The following CSMD3 variants were observed in gnomAD, a reference collection of about 807,000 sequenced individuals.
The protein encoded by CSMD3 is CUB and Sushi multiple domains 3.
CSMD3 carries 177 observed loss-of-function variants against 435.2 expected under a neutral mutation model. The ratio of observed to expected loss-of-function variants is 0.41; its 90% confidence interval spans 0.36 to 0.46. The LOEUF (loss-of-function observed/expected upper bound fraction) is 0.46. Ranked by LOEUF, CSMD3 falls within the 20% of genes least tolerant of loss-of-function variation. The pLI is 0.34. For synonymous variants in CSMD3, 1,656 were observed against 1,520.5 expected (o/e 1.09, Z -2.07); for missense variants, 4,265 against 4,504.6 (o/e 0.95, Z 1.52).
intron 32 of CSMD3, among the ~76,000 whole-genome samples, chr8:112,446,032 C>G (rs1002124680): frequency 2.6e-5 from 4 of 152,220 alleles, no homozygotes; most frequent in Middle Eastern, 3.4e-3. Flanking sequence ...GAATATTTTA[C>G]AAAACTTAGA....
chr8:113,348,043 T>A (rs975948210), intron 1 of CSMD3, among the ~76,000 whole-genome samples: 1 of 152,072 alleles, frequency 6.6e-6, no homozygotes, highest in Non-Finnish European at 1.5e-5. Context: ...TCCATATAAG[T>A]ACAACTGAGA....
chr8:113,257,037 C>T (rs72670719), intron 3 of CSMD3, among the ~76,000 whole-genome samples: 11,469 of 152,110 alleles, frequency 0.075, 555 homozygotes, highest in East Asian at 0.18. Context: ...AGAATGAGAC[C>T]TTAGTTTCAA....
intron 1 of CSMD3, among the ~76,000 whole-genome samples, chr8:113,376,154 T>C (rs141427574): frequency 2.2e-4 from 34 of 152,240 alleles, no homozygotes; most frequent in African/African-American, 7.5e-4. Flanking sequence ...CATTTGAACA[T>C]AGAAGATAAA....
intron 5 of CSMD3, among the ~76,000 whole-genome samples, chr8:113,074,712 T>A (rs376842186): frequency 6.6e-6 from 1 of 151,852 alleles, no homozygotes; most frequent in Non-Finnish European, 1.5e-5. Flanking sequence ...AGTTTCCCTA[T>A]AACCCACAAC....
chr8:112,379,592 A>T (rs1351983720), intron 38 of CSMD3, among the ~76,000 whole-genome samples: 5 of 152,244 alleles, frequency 3.3e-5, no homozygotes, highest in Non-Finnish European at 7.3e-5. Context: ...TAAAATGTCC[A>T]TACTACACAA....
intron 63 of CSMD3, among the ~76,000 whole-genome samples, chr8:112,251,911 C>A (rs1815299331): frequency 6.6e-6 from 1 of 151,670 alleles, no homozygotes; most frequent in Non-Finnish European, 1.5e-5. Flanking sequence ...AAAATTATTC[C>A]AATTTACAAT....
At chr8:112,993,158 T>C (rs761196854) in intron 6 of CSMD3, among the ~76,000 whole-genome samples, 6 of 151,706 alleles carry the variant, frequency 4.0e-5, no homozygotes, top group Non-Finnish European at 7.4e-5. Flanking sequence ...AAATGGCTAA[T>C]TGAAACCAAT....
intron 4 of CSMD3, among the ~76,000 whole-genome samples, chr8:113,150,883 G>C (rs1490356833): frequency 6.6e-6 from 1 of 151,900 alleles, no homozygotes; most frequent in Non-Finnish European, 1.5e-5. Context: ...ATCTGTATTT[G>C]TGACATTAGC....
At chr8:112,728,822 C>T (rs953645068) in intron 13 of CSMD3, among the ~76,000 whole-genome samples, 11 of 151,914 alleles carry the variant, frequency 7.2e-5, no homozygotes, top group African/African-American at 1.2e-4. Context: ...TTGATTATTT[C>T]GGCAATTATG....
At chr8:112,397,304 A>G (rs1830935296) in intron 35 of CSMD3, among the ~76,000 whole-genome samples, 1 of 152,228 alleles carries the variant, frequency 6.6e-6, no homozygotes, top group African/African-American at 2.4e-5. Flanking sequence ...CATAGACCCC[A>G]TATATCCATC....
chr8:112,789,493 C>T (rs2078633352), intron 13 of CSMD3, among the ~76,000 whole-genome samples: 1 of 151,748 alleles, frequency 6.6e-6, no homozygotes, highest in African/African-American at 2.4e-5. Context: ...GTTTTGACTC[C>T]AATCTAATTG....
Position 112,367,710 on chromosome 8 carries a change from C to T in CSMD3, c.6136+12642G>A, listed in dbSNP as rs115863461. ...TTTCTTTCCTTGGGCTTATTCTCAC[C>T]ATGTAATGCATACTTCACTTTCCAA... is the stretch of plus-strand genomic sequence containing the variant. On this transcript the variant is annotated intron_variant, in intron 38 of 70. Transcript: ENST00000297405. Among the ~76,000 whole-genome samples the T allele has an allele frequency of 7.0e-3, 1,070 of 152,256 alleles. 11 individuals carry two copies. The highest frequency in any genetic ancestry group is 0.024 in the African/African-American group (995 of 41,570).
intron 5 of CSMD3, among the ~76,000 whole-genome samples, chr8:113,086,326 A>T (rs946558168): frequency 6.6e-6 from 1 of 152,070 alleles, no homozygotes; most frequent in Admixed American, 6.6e-5. Context: ...TCCATCAATC[A>T]ATCTATAGAA....
chr8:113,374,674 G>A (rs2094367371), intron 1 of CSMD3, among the ~76,000 whole-genome samples: 1 of 152,090 alleles, frequency 6.6e-6, no homozygotes, highest in East Asian at 1.9e-4. Flanking sequence ...GAGCTCAGCT[G>A]TGGAGGAATT....
In CSMD3 at chr8:113,294,740, T is replaced by C. The variant is rs2093707482; in HGVS notation, c.402-16036A>G. Among the ~76,000 whole-genome samples the C allele has an allele frequency of 7.2e-5, 11 of 152,128 alleles. No individual in the cohort carries two copies. The South Asian group carries it at 2.3e-3, about 32-fold the overall frequency. On this transcript the variant is annotated intron_variant, in intron 2 of 70. Coordinates refer to ENST00000297405, the MANE Select transcript of CSMD3 (RefSeq NM_198123.2). ...GCCCATATTGACTATCATTTTAAGC[T>C]ATTTGACTGTGAAAAAAAATAAGTT...
At chr8:112,852,792 G>A (rs1265047544) in intron 11 of CSMD3, among the ~76,000 whole-genome samples, 1 of 151,900 alleles carries the variant, frequency 6.6e-6, no homozygotes, top group Admixed American at 6.6e-5. Flanking sequence ...CATGGTGGTG[G>A]GCGCCTGTAG....
At chr8:112,944,916 A>G (rs531611962) in intron 9 of CSMD3, among the ~76,000 whole-genome samples, 88 of 151,802 alleles carry the variant, frequency 5.8e-4, no homozygotes, top group African/African-American at 1.9e-3. Context: ...ATAATTTTTT[A>G]AAGAAAATGA....
intron 13 of CSMD3, among the ~76,000 whole-genome samples, chr8:112,717,781 A>G (rs2131952721): frequency 6.6e-6 from 1 of 152,306 alleles, no homozygotes; most frequent in South Asian, 2.1e-4. Flanking sequence ...ATGAAGCTGG[A>G]AACCATCATC....
intron 22 of CSMD3, among the ~76,000 whole-genome samples, chr8:112,604,803 A>G (rs1832664557): frequency 1.3e-5 from 2 of 152,220 alleles, no homozygotes; most frequent in Admixed American, 6.5e-5. Flanking sequence ...ATTGAACTAA[A>G]GAGCTTTTGC....
Sources: gnomAD v4.1 joint callset for allele counts (sites outside exome capture counted in the v4.1 genomes callset) on GRCh38, gnomAD v4.1.1 for gene constraint, MANE v1.5 for transcripts, NCBI Gene and HGNC (gene_info 2026-07-23, HGNC 2026-07-21) for gene names.